PCDH15: variants seen among roughly 807,000 people sequenced by gnomAD.
The protein encoded by PCDH15 is protocadherin-15.
Under a neutral mutation model 178.5 loss-of-function variants are expected in PCDH15, and 129 were observed. That is an observed-to-expected ratio of 0.72 (90% CI 0.63 to 0.84). The LOEUF (loss-of-function observed/expected upper bound fraction) is 0.84, where lower values mean the gene tolerates loss of function less well. Ranked by LOEUF, PCDH15 falls within the 40% of genes least tolerant of loss-of-function variation. The pLI is 0.00. For missense variants in PCDH15, 2,230 were observed against 2,099.9 expected (o/e 1.06, Z -1.21); for synonymous variants, 800 against 732.0 (o/e 1.09, Z -1.50).
chr10:53,884,340 A>T (rs1383539551), intron 26 of PCDH15, among the ~76,000 whole-genome samples: 1 of 152,192 alleles, frequency 6.6e-6, no homozygotes, highest in African/African-American at 2.4e-5. Flanking sequence ...AGAGGGTATC[A>T]TAAAAATTTC....
chr10:54,113,411 C>T (rs1232789827), intron 15 of PCDH15, among the ~76,000 whole-genome samples: 1 of 152,124 alleles, frequency 6.6e-6, no homozygotes, highest in Non-Finnish European at 1.5e-5. Context: ...AACATGTACA[C>T]TCAGTGGCCT....
chr10:54,995,333 A>G (rs1591825237), intron 2 of PCDH15, among the ~76,000 whole-genome samples: 1 of 148,714 alleles, frequency 6.7e-6, no homozygotes, highest in Non-Finnish European at 1.5e-5. Flanking sequence ...TAGAGATCGC[A>G]TCACTGCACT....
At chr10:55,147,198 A>G (rs1768330546) in intron 2 of PCDH15, among the ~76,000 whole-genome samples, 1 of 151,536 alleles carries the variant, frequency 6.6e-6, no homozygotes, top group African/African-American at 2.4e-5. Flanking sequence ...TAAAATCACC[A>G]GTGGTCAATT....
intron 2 of PCDH15, among the ~76,000 whole-genome samples, chr10:55,377,672 G>T (rs1384705259): frequency 2.0e-5 from 3 of 151,890 alleles, no homozygotes; most frequent in African/African-American, 7.3e-5. Flanking sequence ...TGGTTTACCT[G>T]GTACTAACCT....
At chr10:55,084,995 G>A (rs1301187967) in intron 2 of PCDH15, among the ~76,000 whole-genome samples, 1 of 151,888 alleles carries the variant, frequency 6.6e-6, no homozygotes, top group Non-Finnish European at 1.5e-5. Flanking sequence ...AATTAGTACA[G>A]CCATTACAGA....
intron 2 of PCDH15, among the ~76,000 whole-genome samples, chr10:54,985,007 G>A (rs1190505755): frequency 6.6e-6 from 1 of 151,992 alleles, no homozygotes; most frequent in Non-Finnish European, 1.5e-5. Flanking sequence ...CCCTTATGAT[G>A]GGTAAGTAAA....
At chr10:55,501,772 A>G (rs963495485) in intron 2 of PCDH15, among the ~76,000 whole-genome samples, 1 of 151,680 alleles carries the variant, frequency 6.6e-6, no homozygotes, top group Admixed American at 6.6e-5. Context: ...GCATTGTTTA[A>G]AGCACCTGTG....
intron 2 of PCDH15, among the ~76,000 whole-genome samples, chr10:54,544,153 T>A (rs1474949077): frequency 1.3e-5 from 2 of 152,230 alleles, no homozygotes; most frequent in South Asian, 2.1e-4. Context: ...TTTCTTGGGG[T>A]GAAAGAAAAC....
intron 2 of PCDH15, among the ~76,000 whole-genome samples, chr10:55,493,240 A>C (rs1217730751): frequency 2.0e-5 from 3 of 151,300 alleles, no homozygotes; most frequent in Non-Finnish European, 4.4e-5. Context: ...ACTCAGATAC[A>C]CTAAAGTCAT....
At chr10:54,757,752 G>C (rs1309983958) in intron 1 of PCDH15, among the ~76,000 whole-genome samples, 3 of 152,140 alleles carry the variant, frequency 2.0e-5, no homozygotes, top group South Asian at 4.2e-4. Flanking sequence ...GAGAGAGAGA[G>C]AAGGGCTCCT....
intron 2 of PCDH15, among the ~76,000 whole-genome samples, chr10:55,616,973 T>A (rs1475796131): frequency 6.6e-6 from 1 of 152,080 alleles, no homozygotes; most frequent in Non-Finnish European, 1.5e-5. Flanking sequence ...TTAAAGACAT[T>A]ATTACATTAA....
intron 2 of PCDH15, among the ~76,000 whole-genome samples, chr10:55,627,365 G>T (rs1219672512): frequency 6.6e-6 from 1 of 152,128 alleles, no homozygotes; most frequent in Non-Finnish European, 1.5e-5. Context: ...CTCAAAATCT[G>T]CAAGGTATCA....
intron 3 of PCDH15, among the ~76,000 whole-genome samples, chr10:54,469,427 G>T (rs1218344803): frequency 6.6e-6 from 1 of 152,150 alleles, no homozygotes; most frequent in Non-Finnish European, 1.5e-5. Flanking sequence ...TATTAAGCCA[G>T]TCTATATCAT....
chr10:55,349,216 G>A (rs766162496), intron 2 of PCDH15, among the ~76,000 whole-genome samples: 1 of 152,124 alleles, frequency 6.6e-6, no homozygotes, highest in African/African-American at 2.4e-5. Context: ...GTTGAGGTGT[G>A]AAGTCCCAGT....
chr10:55,097,890 A>C (rs1199092713), intron 2 of PCDH15, among the ~76,000 whole-genome samples: 1 of 152,130 alleles, frequency 6.6e-6, no homozygotes, highest in African/African-American at 2.4e-5. Flanking sequence ...AGAAAAATTG[A>C]GTTCTTGGTA....
chr10:54,625,926 T>G (rs138587464), intron 2 of PCDH15, among the ~76,000 whole-genome samples: 1 of 152,106 alleles, frequency 6.6e-6, no homozygotes, highest in African/African-American at 2.4e-5. Flanking sequence ...AAAATGCTGA[T>G]AGTGATATGA....
At chr10:54,140,486 T>C (rs187365851) in intron 14 of PCDH15, among the ~76,000 whole-genome samples, 146 of 151,860 alleles carry the variant, frequency 9.6e-4, no homozygotes, top group African/African-American at 3.4e-3. Flanking sequence ...TTTTTTTTTC[T>C]TGAGACAGGG....
chr10:54,727,805 T>C (rs1942781501), intron 1 of PCDH15, among the ~76,000 whole-genome samples: 1 of 151,458 alleles, frequency 6.6e-6, no homozygotes, highest in Admixed American at 6.6e-5. Context: ...CTGGTGCAGA[T>C]TTCTAGTCAC....
At chr10:54,772,270 A>G (rs994173053) in intron 1 of PCDH15, among the ~76,000 whole-genome samples, 3 of 152,212 alleles carry the variant, frequency 2.0e-5, no homozygotes, top group Admixed American at 6.5e-5. Context: ...GAGCCATTAA[A>G]TGCACGTTCT....
Sources: allele counts gnomAD v4.1 joint callset (sites outside exome capture counted in the v4.1 genomes callset), GRCh38; gene constraint gnomAD v4.1.1; transcripts MANE v1.5; gene names NCBI Gene and HGNC (gene_info 2026-07-23, HGNC 2026-07-21).